Variants in SGCD observed in about 807,000 individuals in gnomAD.
SGCD encodes sarcoglycan delta, also known as delta-sarcoglycan.
SGCD carries 18 observed loss-of-function variants against 36.6 expected under a neutral mutation model. The observed-to-expected ratio is 0.49, with a 90% CI of 0.34 to 0.73. The LOEUF is 0.73. Among genes scored for constraint, SGCD ranks in the 30% least tolerant of loss-of-function variants. SGCD has a pLI of 0.01. For missense variants in SGCD, 387 were observed against 346.7 expected, an observed-to-expected ratio of 1.12 and a Z score of -0.92; for synonymous variants, 133 against 130.6, an observed-to-expected ratio of 1.02 and a Z score of -0.12.
chr5:156,395,385 T>C (rs1771793160), intron 3 of SGCD, among the ~76,000 whole-genome samples: 1 of 152,254 alleles, frequency 6.6e-6, no homozygotes, highest in Non-Finnish European at 1.5e-5. Flanking sequence ...AGTTATTTAA[T>C]GACGTCCTGG....
intron 6 of SGCD, among the ~76,000 whole-genome samples, chr5:156,643,275 G>A (rs112465537): frequency 5.9e-5 from 9 of 152,034 alleles, no homozygotes; most frequent in African/African-American, 1.2e-4. Flanking sequence ...CAGGTGATCC[G>A]CCCACCTTGG....
chr5:156,310,879 A>G (rs1205776864), intron 3 of SGCD, among the ~76,000 whole-genome samples: 2 of 152,232 alleles, frequency 1.3e-5, no homozygotes, highest in Non-Finnish European at 2.9e-5. Flanking sequence ...ATGACTTGTA[A>G]TTCTACAGAG....
At chr5:156,733,770 G>T (rs999377341) in intron 7 of SGCD, among the ~76,000 whole-genome samples, 2 of 151,932 alleles carry the variant, frequency 1.3e-5, no homozygotes, top group East Asian at 1.9e-4. Context: ...ATCTTTATTG[G>T]CTTAAAGTCT....
At chr5:156,277,002 T>A (rs1348532009) in intron 3 of SGCD, among the ~76,000 whole-genome samples, 3 of 152,350 alleles carry the variant, frequency 2.0e-5, no homozygotes, top group Admixed American at 1.3e-4. Flanking sequence ...TTCTAAAGTT[T>A]CACAATGGTG....
At chr5:155,865,627 A>G (rs1444707705), upstream of SGCD, among the ~76,000 whole-genome samples, 1 of 152,220 alleles carries the variant, frequency 6.6e-6, no homozygotes, top group Non-Finnish European at 1.5e-5. Context: ...CCTATGCTTA[A>G]GGTTGTAACA....
At chr5:156,364,049 G>C (rs763079090) in intron 3 of SGCD, among the ~76,000 whole-genome samples, 25 of 152,146 alleles carry the variant, frequency 1.6e-4, no homozygotes, top group Middle Eastern at 3.2e-3. Flanking sequence ...CCTCTGGGCT[G>C]TGCAGGGAGG....
At chr5:156,253,233 C>G (rs1401274995) in intron 3 of SGCD, among the ~76,000 whole-genome samples, 1 of 152,134 alleles carries the variant, frequency 6.6e-6, no homozygotes, top group East Asian at 1.9e-4. Context: ...CTGGGTCTAA[C>G]TGGATCTTCT....
At chr5:156,640,317 T>C (rs1487581561) in intron 6 of SGCD, among the ~76,000 whole-genome samples, 2 of 152,194 alleles carry the variant, frequency 1.3e-5, no homozygotes, top group Non-Finnish European at 2.9e-5. Context: ...GATATATATA[T>C]ACATTTGTGC....
At chr5:156,682,887 G>T (rs1458875384) in intron 7 of SGCD, among the ~76,000 whole-genome samples, 1 of 152,126 alleles carries the variant, frequency 6.6e-6, no homozygotes, top group South Asian at 2.1e-4. Context: ...TAGAATAATG[G>T]GCATTAAGCA....
At chr5:156,580,988 T>A (rs961068907) in intron 4 of SGCD, among the ~76,000 whole-genome samples, 3 of 152,224 alleles carry the variant, frequency 2.0e-5, no homozygotes, top group African/African-American at 4.8e-5. Flanking sequence ...GGTGCTCTGA[T>A]TTTTAGAATT....
At chr5:156,586,758 T>C (rs2113359273) in intron 4 of SGCD, among the ~76,000 whole-genome samples, 1 of 152,358 alleles carries the variant, frequency 6.6e-6, no homozygotes, top group East Asian at 1.9e-4. Flanking sequence ...TTGGTTTTTT[T>C]GTTTTTTAAA....
At chr5:156,499,885 G>T (rs1174001133) in intron 3 of SGCD, among the ~76,000 whole-genome samples, 1 of 152,146 alleles carries the variant, frequency 6.6e-6, no homozygotes, top group Non-Finnish European at 1.5e-5. Flanking sequence ...AGAGAAGAAA[G>T]CTAGAGCAGT....
chr5:156,543,632 T>A (rs2113160555), intron 4 of SGCD, among the ~76,000 whole-genome samples: 1 of 152,266 alleles, frequency 6.6e-6, no homozygotes, highest in South Asian at 2.1e-4. Flanking sequence ...CTGTGAGGAT[T>A]TCATGGGAAA....
chr5:156,406,811 TATATATATAC>T (rs1414437051), intron 3 of SGCD, among the ~76,000 whole-genome samples: 1 of 104,970 alleles, frequency 9.5e-6, no homozygotes, highest in Admixed American at 8.9e-5. Flanking sequence ...TATATATATA[TATATATATAC>T]ACACACACAC....
chr5:156,356,753 A>T (rs1769511599), intron 3 of SGCD, among the ~76,000 whole-genome samples: 1 of 152,200 alleles, frequency 6.6e-6, no homozygotes, highest in Non-Finnish European at 1.5e-5. Context: ...TAAATTAAGG[A>T]TTATGAGATG....
At chr5:156,610,212 T>G (rs913110571) in intron 6 of SGCD, among the ~76,000 whole-genome samples, 13 of 152,218 alleles carry the variant, frequency 8.5e-5, no homozygotes, top group Non-Finnish European at 1.6e-4. Flanking sequence ...GATGTACAGA[T>G]GGGGTTTTGG....
At chr5:156,265,578 A>G (rs1458490333) in intron 3 of SGCD, among the ~76,000 whole-genome samples, 1 of 151,728 alleles carries the variant, frequency 6.6e-6, no homozygotes, top group Non-Finnish European at 1.5e-5. Flanking sequence ...CCAGGTAATT[A>G]AATATCTTTT....
intron 7 of SGCD, among the ~76,000 whole-genome samples, chr5:156,682,683 A>T (rs1753764763): frequency 6.6e-6 from 1 of 152,236 alleles, no homozygotes; most frequent in African/African-American, 2.4e-5. Flanking sequence ...CAGCACGTCT[A>T]ACTGTGAAGA....
intron 3 of SGCD, among the ~76,000 whole-genome samples, chr5:156,252,017 G>C (rs1487182207): frequency 6.6e-6 from 1 of 151,820 alleles, no homozygotes; most frequent in Non-Finnish European, 1.5e-5. Context: ...ACTCTAGTCT[G>C]AAATATGTTT....
Sources: allele counts gnomAD v4.1 joint callset (sites outside exome capture counted in the v4.1 genomes callset), GRCh38; gene constraint gnomAD v4.1.1; transcripts MANE v1.5; gene names NCBI Gene and HGNC (gene_info 2026-07-23, HGNC 2026-07-21).